Variants in POU2F2 observed in about 807,000 individuals in gnomAD.
The protein encoded by POU2F2 is POU domain, class 2, transcription factor 2.
Under a neutral mutation model 63.5 loss-of-function variants are expected in POU2F2, and 14 were observed. The ratio of observed to expected loss-of-function variants is 0.22; its 90% CI spans 0.15 to 0.34. The LOEUF is 0.34. Among genes scored for constraint, POU2F2 ranks in the 10% least tolerant of loss-of-function variants. The pLI is 1.00. For synonymous variants in POU2F2, 306 were observed against 348.6 expected, an observed-to-expected ratio of 0.88 and a Z score of 1.36; for missense variants, 607 against 815.2, an observed-to-expected ratio of 0.74 and a Z score of 3.11.
At chr19:42,168,643 G>A (rs1318508549) in intron 1 of POU2F2, among the ~76,000 whole-genome samples, 1 of 152,212 alleles carries the variant, frequency 6.6e-6, no homozygotes, top group Non-Finnish European at 1.5e-5. Context: ...GGCCCCAGGT[G>A]AAAGGATCCC....
intron 1 of POU2F2, chr19:42,160,488 A>G (rs1410255674): frequency 6.6e-6 from 1 of 152,190 alleles, no homozygotes; most frequent in Non-Finnish European, 1.5e-5. Flanking sequence ...TCCTCCTGTC[A>G]CATCATCAGG....
intron 1 of POU2F2, among the ~76,000 whole-genome samples, chr19:42,128,994 G>A (rs2033456208): frequency 1.3e-5 from 2 of 151,970 alleles, no homozygotes; most frequent in Admixed American, 6.6e-5. Flanking sequence ...CACCATGCCC[G>A]GCTAATTTTT....
At chr19:42,150,727 C>A (rs2034330119) in intron 2 of POU2F2, among the ~76,000 whole-genome samples, 1 of 152,128 alleles carries the variant, frequency 6.6e-6, no homozygotes, top group African/African-American at 2.4e-5. Flanking sequence ...TATTTTTCCC[C>A]CAGCTTCTCC....
intron 1 of POU2F2, among the ~76,000 whole-genome samples, chr19:42,174,122 G>A (rs1568424130): frequency 2.0e-5 from 3 of 152,074 alleles, no homozygotes; most frequent in African/African-American, 4.8e-5. Flanking sequence ...CCATACGCCC[G>A]CGACCTCTGT....
intron 2 of POU2F2, among the ~76,000 whole-genome samples, chr19:42,139,746 T>C (rs2034090417): frequency 6.6e-6 from 1 of 152,122 alleles, no homozygotes; most frequent in African/African-American, 2.4e-5. Context: ...CGGCCCCAGC[T>C]CTAACATTCT....
chr19:42,134,158 T>A (rs78183901), upstream of POU2F2, among the ~76,000 whole-genome samples: 14,124 of 148,396 alleles, frequency 0.095, 889 homozygotes, highest in Middle Eastern at 0.2. Context: ...CGCAGTAAGC[T>A]TTGTTTTCAG....
At chr19:42,108,632 C>G (rs74259558) in intron 5 of POU2F2, among the ~76,000 whole-genome samples, 1 of 152,102 alleles carries the variant, frequency 6.6e-6, no homozygotes, top group Non-Finnish European at 1.5e-5. Flanking sequence ...TCTGGGTGAA[C>G]AGGAACAGTA....
At chr19:42,184,622 G>A (rs954508090) in intron 1 of POU2F2, among the ~76,000 whole-genome samples, 3 of 152,144 alleles carry the variant, frequency 2.0e-5, no homozygotes, top group Non-Finnish European at 4.4e-5. Flanking sequence ...TGCCCCCCAA[G>A]ACACACCCTT....
At chr19:42,147,340 C>T (rs1329257666) in intron 2 of POU2F2, among the ~76,000 whole-genome samples, 2 of 152,186 alleles carry the variant, frequency 1.3e-5, no homozygotes, top group African/African-American at 2.4e-5. Flanking sequence ...TGTTCCTGTG[C>T]TCTTTGCCCC....
chr19:42,119,117 C>T (rs950482085), intron 4 of POU2F2, among the ~76,000 whole-genome samples: 5 of 148,994 alleles, frequency 3.4e-5, no homozygotes, highest in African/African-American at 1.2e-4. Context: ...AGCAAGACAC[C>T]GTCTCTTAAA....
At position 42,092,268 on chromosome 19, in the gene POU2F2, T is replaced by G. The variant is rs1316781021; in HGVS notation, c.1267A>C (p.Thr423Pro). 2 of 1,549,620 alleles carry G rather than the reference T, an allele frequency of 1.3e-6. No homozygotes were observed. The highest frequency in any genetic ancestry group is 1.7e-6 in the Non-Finnish European group (2 of 1,144,428). ...GTCCCCACAGCTGAGGATAAGGTAG[T>G]AACTGCCAGAGAGAGACAGAAAGAT... ...QASSSLSTTV[T>P]TLSSAVGTLH... Residue 423 changes from threonine to proline, a missense_variant and splice_region_variant, in exon 13 of 15, where the codon ACT (threonine) becomes CCT (proline). Around this residue, in one of 7 missense-constraint regions of POU2F2, gnomAD observed 270 missense variants for 307.5 expected, o/e 0.88. Transcript: ENST00000692977. The surrounding 1 kb of genome is among the most constrained non-coding windows in gnomAD (Gnocchi z 5.0).
At chr19:42,180,331 C>G (rs1212012862), upstream of POU2F2, among the ~76,000 whole-genome samples, 1 of 152,116 alleles carries the variant, frequency 6.6e-6, no homozygotes, top group Non-Finnish European at 1.5e-5. Context: ...ACACCCACTC[C>G]GCTTGCATAC....
In POU2F2 at chr19:42,095,173, G is replaced by C; in HGVS notation, c.1197+113C>G. 7.6e-7 allele frequency: 1 copy of C among 1,313,088 alleles called. No individual in the cohort carries two copies. Among genetic ancestry groups the C allele is most frequent in the South Asian group, 1.5e-5 (1 of 66,596 alleles). The allele number at this position is 1,313,088 out of a possible 1,614,324, so 81.3% of individuals were successfully genotyped here. Reference sequence around the variant, plus strand: ...TCTACGTGATGGCCTGTCTCCAAGAGTGACTCTTCTTGTCTCTGTTCTAGG... The same window carrying C: ...TCTACGTGATGGCCTGTCTCCAAGACTGACTCTTCTTGTCTCTGTTCTAGG... On this transcript the variant is annotated intron_variant, in intron 11 of 14. Coordinates refer to ENST00000692977, the MANE Select transcript of POU2F2 (RefSeq NM_001394376.1). The surrounding 1 kb of genome is among the most constrained non-coding windows in gnomAD (Gnocchi z 7.1).
Position 42,121,019 on chromosome 19 carries a change from G to A in POU2F2, c.186+1107C>T, listed in dbSNP as rs191592505. ...AACAGGGCGTACAGGGCGAGTTGTGGACAGAGCCCGAGGCCAGGAAGGGGA... is the reference window on the plus strand; with the variant it reads ...AACAGGGCGTACAGGGCGAGTTGTGAACAGAGCCCGAGGCCAGGAAGGGGA... On this transcript the variant is annotated intron_variant, in intron 4 of 14. Coordinates refer to ENST00000692977, the MANE Select transcript of POU2F2 (RefSeq NM_001394376.1). 3.9e-5 allele frequency among the ~76,000 whole-genome samples: 6 copies of A among 152,286 alleles called. No individual in the cohort carries two copies. The East Asian group carries it at 7.7e-4, about 20-fold the overall frequency.
At position 42,089,055 on chromosome 19, in the gene POU2F2, T is replaced by C. The variant is rs2076634316; in HGVS notation, c.*2202A>G. 6.6e-6 allele frequency: 1 copy of C among 152,636 alleles called. No individual in the cohort carries two copies. The highest frequency in any genetic ancestry group is 1.5e-5 in the Non-Finnish European group (1 of 68,074). 9.5% of individuals were successfully genotyped at this position (152,636 alleles called of 1,614,324 possible). Reference sequence around the variant, plus strand: ...AGCTGCCCAGGCCAAAGCCCTGCGGTCTCAGGGCTCTCCTCTCTCTCTGCT... The same window carrying C: ...AGCTGCCCAGGCCAAAGCCCTGCGGCCTCAGGGCTCTCCTCTCTCTCTGCT... On this transcript the variant is annotated 3_prime_UTR_variant, in exon 15 of 15. Transcript: ENST00000692977.
rs1480866549 is a variant in POU2F2, at chr19:42,092,853, C to T, written c.1265-583G>A. On this transcript the variant is annotated intron_variant, in intron 12 of 14. Transcript: ENST00000692977. The surrounding 1 kb of genome is among the most constrained non-coding windows in gnomAD (Gnocchi z 5.0). ...AATGCAGTTTAGAAAGAGTTTAGTA[C>T]AGTGCCAGGCAAGCACTTACTACTT... 6.6e-6 allele frequency among the ~76,000 whole-genome samples: 1 copy of T among 151,856 alleles called. No individual in the cohort carries two copies. The highest frequency in any genetic ancestry group is 1.5e-5 in the Non-Finnish European group (1 of 67,986).
intron 5 of POU2F2, among the ~76,000 whole-genome samples, chr19:42,108,817 C>T (rs1410123645): frequency 6.6e-6 from 1 of 152,128 alleles, no homozygotes; most frequent in African/African-American, 2.4e-5. Flanking sequence ...CCCTGGCTGG[C>T]ATATTTTGTA....
chr19:42,127,633 A>T (rs1431365142), intron 1 of POU2F2, among the ~76,000 whole-genome samples: 1 of 151,762 alleles, frequency 6.6e-6, no homozygotes, highest in Admixed American at 6.6e-5. Flanking sequence ...TGCCCACCTC[A>T]GCCTCCCAAA....
At chr19:42,093,665 G>T in intron 12 of POU2F2, 164 bp downstream of exon 12, 1 of 558,318 alleles carries the variant, frequency 1.8e-6, no homozygotes. Flanking sequence ...CTGCAGAGGA[G>T]GGGTGAGTCC....
Sources: gnomAD v4.1 joint callset for allele counts (sites outside exome capture counted in the v4.1 genomes callset) on GRCh38, gnomAD v4.1.1 for gene constraint, gnomAD v4.1.1 regional missense constraint, Gnocchi (gnomAD v3.1) non-coding constraint, MANE v1.5 for transcripts, NCBI Gene and HGNC (gene_info 2026-07-23, HGNC 2026-07-21) for gene names.